GUCY1A2: variants seen among roughly 807,000 people sequenced by gnomAD.
The protein encoded by GUCY1A2 is guanylate cyclase 1 soluble subunit alpha 2, also known as guanylate cyclase soluble subunit alpha-2.
In GUCY1A2, 27 loss-of-function variants were observed where a neutral mutation model predicts 63.5. That is an observed-to-expected ratio of 0.43 (90% confidence interval 0.31 to 0.59). The LOEUF (loss-of-function observed/expected upper bound fraction) is 0.59, where lower values mean the gene tolerates loss of function less well. Ranked by LOEUF, GUCY1A2 falls within the 20% of genes least tolerant of loss-of-function variation. GUCY1A2 has a pLI of 0.11. For synonymous variants in GUCY1A2, 364 were observed against 343.5 expected (o/e 1.06, Z -0.66); for missense variants, 768 against 913.3 (o/e 0.84, Z 2.05).
intron 3 of GUCY1A2, among the ~76,000 whole-genome samples, chr11:106,960,532 T>C (rs1434556430): frequency 6.6e-6 from 1 of 152,200 alleles, no homozygotes; most frequent in Non-Finnish European, 1.5e-5. Flanking sequence ...AATGCCAGCA[T>C]CTAGAGAGCA....
intron 6 of GUCY1A2, among the ~76,000 whole-genome samples, chr11:106,736,811 C>G (rs1863597825): frequency 6.6e-6 from 1 of 151,856 alleles, no homozygotes; most frequent in Admixed American, 6.6e-5. Context: ...TTTTTAAAGT[C>G]TGTAGTTTTT....
chr11:106,798,070 G>A (rs1487782373), intron 5 of GUCY1A2, among the ~76,000 whole-genome samples: 1 of 151,484 alleles, frequency 6.6e-6, no homozygotes, highest in Non-Finnish European at 1.5e-5. Flanking sequence ...ACGCAATAAT[G>A]ATAAAGGGGA....
At chr11:106,888,075 G>T (rs1268193831) in intron 4 of GUCY1A2, among the ~76,000 whole-genome samples, 1 of 151,998 alleles carries the variant, frequency 6.6e-6, no homozygotes, top group Admixed American at 6.5e-5. Context: ...GGGGGTTGGG[G>T]GAATGAACAA....
chr11:106,737,436 A>T (rs183229367), intron 6 of GUCY1A2, among the ~76,000 whole-genome samples: 89 of 152,264 alleles, frequency 5.8e-4, no homozygotes, highest in Middle Eastern at 6.8e-3. Context: ...GCTGGGGTAC[A>T]TGTGCAAAAC....
At chr11:106,820,112 A>G (rs1189719238) in intron 4 of GUCY1A2, among the ~76,000 whole-genome samples, 1 of 152,156 alleles carries the variant, frequency 6.6e-6, no homozygotes, top group East Asian at 1.9e-4. Flanking sequence ...TTGTTTAATC[A>G]TTCGATGTGT....
chr11:106,714,860 G>C (rs1387789827), intron 6 of GUCY1A2, among the ~76,000 whole-genome samples: 3 of 152,136 alleles, frequency 2.0e-5, no homozygotes, highest in African/African-American at 7.2e-5. Context: ...CCAAGACTGA[G>C]AAACTCTGTA....
chr11:106,892,582 C>T (rs889840111), intron 4 of GUCY1A2, among the ~76,000 whole-genome samples: 32 of 152,240 alleles, frequency 2.1e-4, no homozygotes, highest in South Asian at 6.2e-4. Flanking sequence ...GCCCTAGCGT[C>T]GCACCCACAG....
intron 7 of GUCY1A2, among the ~76,000 whole-genome samples, chr11:106,690,160 C>A (rs1862597901): frequency 6.6e-6 from 1 of 152,100 alleles, no homozygotes; most frequent in Non-Finnish European, 1.5e-5. Flanking sequence ...TCCAGCAATC[C>A]CATTACTGGG....
intron 6 of GUCY1A2, among the ~76,000 whole-genome samples, chr11:106,776,123 C>T (rs902912490): frequency 4.6e-5 from 7 of 152,060 alleles, no homozygotes; most frequent in Admixed American, 1.3e-4. Flanking sequence ...TCTAAAACTC[C>T]GAATCTCATC....
intron 2 of GUCY1A2, among the ~76,000 whole-genome samples, chr11:106,982,827 G>A (rs1004708502): frequency 1.3e-5 from 2 of 152,176 alleles, no homozygotes; most frequent in Non-Finnish European, 2.9e-5. Flanking sequence ...AAATTACAGA[G>A]GTAGGCAGAG....
At chr11:106,913,421 G>A (rs986883164) in intron 4 of GUCY1A2, among the ~76,000 whole-genome samples, 2 of 152,048 alleles carry the variant, frequency 1.3e-5, no homozygotes, top group Non-Finnish European at 2.9e-5. Flanking sequence ...AGAGGGGGAA[G>A]ATGCCTGCCT....
chr11:106,781,038 T>C (rs1044686648), intron 5 of GUCY1A2, among the ~76,000 whole-genome samples: 3 of 146,220 alleles, frequency 2.1e-5, no homozygotes, highest in Non-Finnish European at 4.4e-5. Context: ...GTGTCATGTA[T>C]CAATTCCATT....
chr11:106,863,301 G>A (rs1043115011), intron 4 of GUCY1A2, among the ~76,000 whole-genome samples: 3 of 152,038 alleles, frequency 2.0e-5, no homozygotes, highest in Admixed American at 6.6e-5. Context: ...AATCCACCTC[G>A]AGTTAATTTT....
At chr11:106,713,496 C>CTTTTTTTTTTTTTTTTTT (rs143909145) in intron 6 of GUCY1A2, among the ~76,000 whole-genome samples, 1 of 78,354 alleles carries the variant, frequency 1.3e-5, no homozygotes, top group African/African-American at 5.6e-5. Flanking sequence ...TAGTATGTTT[C>CTTTTTTTTTTTTTTTTTT]TTTTTTTTTT....
chr11:106,720,034 CA>C (rs899023349), intron 6 of GUCY1A2, among the ~76,000 whole-genome samples: 7 of 152,122 alleles, frequency 4.6e-5, no homozygotes, highest in African/African-American at 7.2e-5. Flanking sequence ...CTGAAGTTAT[CA>C]AAAAAATATT....
At chr11:106,721,993 A>G (rs1263265131) in intron 6 of GUCY1A2, among the ~76,000 whole-genome samples, 1 of 152,198 alleles carries the variant, frequency 6.6e-6, no homozygotes, top group African/African-American at 2.4e-5. Flanking sequence ...TTGCTGCATC[A>G]TCAACACCCA....
intron 4 of GUCY1A2, among the ~76,000 whole-genome samples, chr11:106,885,926 C>T (rs61902986): frequency 9.9e-4 from 150 of 152,240 alleles, no homozygotes; most frequent in Middle Eastern, 3.4e-3. Context: ...TAAAAATATG[C>T]TCACACACAT....
In GUCY1A2 at chr11:106,760,445, C is replaced by T. The variant is rs149295810; in HGVS notation, c.1836+15994G>A. ...GTGGGCCGAACTTCAAGGAATGATA[C>T]ATAAAACGATCGTTTATGTGAGCAT... is the stretch of plus-strand genomic sequence containing the variant. On this transcript the variant is annotated intron_variant, in intron 6 of 7. Coordinates refer to ENST00000526355, the MANE Select transcript of GUCY1A2 (RefSeq NM_000855.3). Among the ~76,000 whole-genome samples the T allele has an allele frequency of 4.7e-3, 711 of 152,260 alleles. 7 individuals carry two copies. The highest frequency in any genetic ancestry group is 0.028 in the Admixed American group (423 of 15,288).
At chr11:106,790,247 G>C (rs1236135998) in intron 5 of GUCY1A2, among the ~76,000 whole-genome samples, 1 of 152,162 alleles carries the variant, frequency 6.6e-6, no homozygotes, top group Non-Finnish European at 1.5e-5. Context: ...TCCACAGGCA[G>C]AGGAGGCTCA....
Sources: gnomAD v4.1 joint callset for allele counts (sites outside exome capture counted in the v4.1 genomes callset) on GRCh38, gnomAD v4.1.1 for gene constraint, MANE v1.5 for transcripts, NCBI Gene and HGNC (gene_info 2026-07-23, HGNC 2026-07-21) for gene names.